ATP2B4: variants seen among roughly 807,000 people sequenced by gnomAD.
ATP2B4 encodes plasma membrane calcium-transporting ATPase 4.
Under a neutral mutation model 110.3 loss-of-function variants are expected in ATP2B4, and 39 were observed. The ratio of observed to expected loss-of-function variants is 0.35; its 90% CI spans 0.27 to 0.46. The LOEUF (loss-of-function observed/expected upper bound fraction) is 0.46, where lower values mean the gene tolerates loss of function less well. Ranked by LOEUF, ATP2B4 falls within the 20% of genes least tolerant of loss-of-function variation. ATP2B4 has a pLI of 1.00. For missense variants in ATP2B4, 1,135 were observed against 1,530.9 expected (o/e 0.74, Z 4.32); for synonymous variants, 538 against 571.7 (o/e 0.94, Z 0.84).
At position 203,662,443 on chromosome 1, in the gene ATP2B4, A is replaced by G. The variant is rs185906923; in HGVS notation, c.-464-20299A>G. On this transcript the variant is annotated intron_variant, in intron 1 of 20. Transcript: ENST00000357681. ...CCTTCATCCCAAACTGAAACTCTGTACCCATTAAACAATAATGCCCATTCC... is the reference window on the plus strand; with the variant it reads ...CCTTCATCCCAAACTGAAACTCTGTGCCCATTAAACAATAATGCCCATTCC... 2.5e-3 allele frequency among the ~76,000 whole-genome samples: 377 copies of G among 152,276 alleles called. 2 individuals carry two copies. The highest frequency in any genetic ancestry group is 8.6e-3 in the African/African-American group (356 of 41,558).
chr1:203,703,891 C>A (rs1665768523), intron 8 of ATP2B4, 78 bp downstream of exon 8: 4 of 1,486,092 alleles, frequency 2.7e-6, no homozygotes, highest in African/African-American at 1.4e-5. Context: ...TCTTTCTGCA[C>A]CGACCGAGAC....
chr1:203,650,743 C>G (rs112680082), intron 1 of ATP2B4, among the ~76,000 whole-genome samples: 40 of 152,306 alleles, frequency 2.6e-4, no homozygotes, highest in African/African-American at 9.4e-4. Flanking sequence ...CTGCGGAAGT[C>G]CCGCACAGGG....
At chr1:203,649,408 T>G (rs989557794) in intron 1 of ATP2B4, among the ~76,000 whole-genome samples, 3 of 152,214 alleles carry the variant, frequency 2.0e-5, no homozygotes, top group Non-Finnish European at 4.4e-5. Flanking sequence ...CATTAGTTTG[T>G]ATCCACAAAT....
At position 203,627,074 on chromosome 1, in the gene ATP2B4, G is replaced by A. The variant is rs1663111659; in HGVS notation, c.-610G>A. 1 of 152,330 alleles carries A rather than the reference G, an allele frequency of 6.6e-6. No individual in the cohort carries two copies. The highest frequency in any genetic ancestry group is 6.5e-5 in the Admixed American group (1 of 15,284). 9.4% of individuals were successfully genotyped at this position (152,330 alleles called of 1,614,324 possible). On this transcript the variant is annotated 5_prime_UTR_variant, in exon 1 of 21. Transcript: ENST00000357681. ...CCAGCCCACTCCCCGGCCTTAGCCA[G>A]AAAGGCAAGAGAGCAAAGCCAGCGT...
chr1:203,695,146 G>A (rs143289504), intron 2 of ATP2B4, among the ~76,000 whole-genome samples: 2 of 152,106 alleles, frequency 1.3e-5, no homozygotes, highest in South Asian at 2.1e-4. Flanking sequence ...GAAGGAAAGG[G>A]CATCTACTCC....
chr1:203,642,705 C>A (rs1350881581), intron 1 of ATP2B4, among the ~76,000 whole-genome samples: 1 of 152,174 alleles, frequency 6.6e-6, no homozygotes, highest in East Asian at 1.9e-4. Context: ...CCTAAATCAC[C>A]TAGTTGGCCT....
intron 20 of ATP2B4, among the ~76,000 whole-genome samples, chr1:203,732,264 C>T (rs574862586): frequency 5.9e-5 from 9 of 152,242 alleles, no homozygotes; most frequent in Non-Finnish European, 1.0e-4. Context: ...GTGTAAGCCT[C>T]GACCTGTAGC....
intron 15 of ATP2B4, among the ~76,000 whole-genome samples, chr1:203,718,568 G>A (rs1312630212): frequency 6.6e-6 from 1 of 152,104 alleles, no homozygotes; most frequent in African/African-American, 2.4e-5. Flanking sequence ...CCAAAATGCT[G>A]GGATTACAGG....
At chr1:203,723,457 T>TCCCTCA (rs1553251107) in intron 18 of ATP2B4, among the ~76,000 whole-genome samples, 1 of 113,502 alleles carries the variant, frequency 8.8e-6, no homozygotes, top group East Asian at 2.8e-4. Context: ...TCTCTCTCTC[T>TCCCTCA]CTCCCTCTGC....
chr1:203,727,282 G>A lies in ATP2B4; in HGVS notation c.3133-113G>A, dbSNP rs1666552629. ...CTTCTGCCCACTGCTCTTCCAGTGG[G>A]AAGGGTGGTAGGGCAAAGAGTAACC... On this transcript the variant is annotated intron_variant, in intron 19 of 20. Coordinates refer to ENST00000357681, the MANE Select transcript of ATP2B4 (RefSeq NM_001684.5). 6.4e-6 allele frequency: 8 copies of A among 1,251,674 alleles called. No homozygotes were observed. In the South Asian group the frequency reaches 1.0e-4, roughly 16 times the overall value. 77.5% of individuals were successfully genotyped at this position (1,251,674 alleles called of 1,614,324 possible). A position where few individuals can be genotyped will look rare whatever the true frequency, so the allele number is the denominator to read the frequency against.
At chr1:203,718,625 T>C (rs1478856932) in intron 15 of ATP2B4, among the ~76,000 whole-genome samples, 1 of 152,156 alleles carries the variant, frequency 6.6e-6, no homozygotes, top group Non-Finnish European at 1.5e-5. Context: ...CTTCCCTGAT[T>C]TTATGTTTGT....
chr1:203,709,151 C>T (rs1193258635), intron 10 of ATP2B4, 150 bp from the exon 11 acceptor site: 3 of 1,084,956 alleles, frequency 2.8e-6, no homozygotes, highest in African/African-American at 3.2e-5. Context: ...AGCGAGACTC[C>T]ATCTCCAAAA....
At chr1:203,720,477 T>C in intron 15 of ATP2B4, 72 bp from the exon 16 acceptor site, 2 of 1,458,604 alleles carry the variant, frequency 1.4e-6, no homozygotes, top group South Asian at 1.4e-5. Context: ...CTTCGGAAGC[T>C]TCCTGGAGGT....
intron 10 of ATP2B4, among the ~76,000 whole-genome samples, chr1:203,709,043 G>C (rs918818947): frequency 6.6e-6 from 1 of 152,154 alleles, no homozygotes; most frequent in Non-Finnish European, 1.5e-5. Flanking sequence ...TGTAGTCCCT[G>C]CTACTCAGGA....
At position 203,709,290 on chromosome 1, in the gene ATP2B4, T is replaced by C; in HGVS notation, c.1558-11T>C. On this transcript the variant is annotated splice_polypyrimidine_tract_variant and intron_variant, in intron 10 of 20. Coordinates refer to ENST00000357681, the MANE Select transcript of ATP2B4 (RefSeq NM_001684.5). ...CTTACTCAATAGTGCTGTGTATATT[T>C]CTTCTCCCAGCCTCCAGAGAAGGAG... 1 of 1,614,174 alleles carries C rather than the reference T, an allele frequency of 6.2e-7. No homozygotes were observed. Among genetic ancestry groups the C allele is most frequent in the East Asian group, 2.2e-5 (1 of 44,892 alleles).
chr1:203,659,797 T>C (rs1664277233), intron 1 of ATP2B4, among the ~76,000 whole-genome samples: 1 of 151,976 alleles, frequency 6.6e-6, no homozygotes, highest in Admixed American at 6.6e-5. Flanking sequence ...AAAAAATATA[T>C]AAAAAGCTGG....
At chr1:203,726,993 A>G (rs904526260) in intron 19 of ATP2B4, among the ~76,000 whole-genome samples, 3 of 152,036 alleles carry the variant, frequency 2.0e-5, no homozygotes, top group African/African-American at 4.8e-5. Context: ...CTTCTCCCCA[A>G]ACTCTTTTCC....
chr1:203,740,729 T>C lies in ATP2B4; in HGVS notation c.*875T>C, dbSNP rs1666981067. 1 of 152,286 alleles carries C rather than the reference T, an allele frequency of 6.6e-6. No individual in the cohort carries two copies. Among genetic ancestry groups the C allele is most frequent in the African/African-American group, 2.4e-5 (1 of 41,446 alleles). 9.4% of individuals were successfully genotyped at this position (152,286 alleles called of 1,614,324 possible). On this transcript the variant is annotated 3_prime_UTR_variant, in exon 21 of 21. Coordinates refer to ENST00000357681, the MANE Select transcript of ATP2B4 (RefSeq NM_001684.5). ...GCCCATGAAGGTTGCATATGTGTGG[T>C]ATACAGTTTTTACCTGAAAGCCTGA...
intron 15 of ATP2B4, among the ~76,000 whole-genome samples, chr1:203,716,850 G>A (rs770850032): frequency 6.9e-6 from 1 of 144,814 alleles, no homozygotes; most frequent in Non-Finnish European, 1.5e-5. Flanking sequence ...CTTTCATTGA[G>A]GGCTGCAAAA....
Sources: gnomAD v4.1 joint callset for allele counts (sites outside exome capture counted in the v4.1 genomes callset) on GRCh38, gnomAD v4.1.1 for gene constraint, MANE v1.5 for transcripts, NCBI Gene and HGNC (gene_info 2026-07-23, HGNC 2026-07-21) for gene names.